The following PPP2R3C variants were observed in gnomAD, a reference collection of about 807,000 sequenced individuals.
PPP2R3C encodes the protein protein phosphatase 2 regulatory subunit B''gamma.
PPP2R3C carries 47 observed loss-of-function variants against 63.7 expected under a neutral mutation model. The ratio of observed to expected loss-of-function variants is 0.74; its 90% CI spans 0.58 to 0.94. The LOEUF (loss-of-function observed/expected upper bound fraction) is 0.94, where lower values mean the gene tolerates loss of function less well. Ranked by LOEUF, PPP2R3C falls within the 40% of genes least tolerant of loss-of-function variation. The probability of loss-of-function intolerance (pLI) is 0.00; values close to 1 mark genes in which losing one functional copy is unlikely to be tolerated. For synonymous variants in PPP2R3C, 180 were observed against 177.4 expected (o/e 1.01, Z -0.12); for missense variants, 421 against 518.4 (o/e 0.81, Z 1.82).
At chr14:35,112,810 T>C (rs1191723771) in intron 2 of PPP2R3C, 2 of 152,338 alleles carry the variant, frequency 1.3e-5, no homozygotes, top group Admixed American at 1.3e-4. Flanking sequence ...GATAAAACCT[T>C]GGTCGCTACA....
intron 6 of PPP2R3C, among the ~76,000 whole-genome samples, chr14:35,106,109 T>G (rs2046348708): frequency 6.6e-6 from 1 of 151,606 alleles, no homozygotes; most frequent in South Asian, 2.1e-4. Flanking sequence ...CCTCCCAAAG[T>G]GCTGGGATTA....
chr14:35,120,436 G>A (rs752805679), intron 1 of PPP2R3C, among the ~76,000 whole-genome samples: 9 of 150,302 alleles, frequency 6.0e-5, no homozygotes, highest in Non-Finnish European at 1.3e-4. Context: ...TAGTAGAGAC[G>A]GGGTTTCACC....
chr14:35,091,752 G>T (rs2045825650), intron 10 of PPP2R3C, among the ~76,000 whole-genome samples: 1 of 151,226 alleles, frequency 6.6e-6, no homozygotes, highest in Admixed American at 6.6e-5. Flanking sequence ...ACGGAGTCTT[G>T]CTCTATTGCC....
At chr14:35,122,244 G>A, upstream of PPP2R3C, 1 of 443,196 alleles carries the variant, frequency 2.3e-6, no homozygotes, top group Admixed American at 3.4e-5. Flanking sequence ...TAAAGGCCAC[G>A]ATAAGCCCGC....
chr14:35,090,026 G>GT (rs895271266), intron 11 of PPP2R3C, among the ~76,000 whole-genome samples: 27 of 151,944 alleles, frequency 1.8e-4, no homozygotes, highest in African/African-American at 6.5e-4. Context: ...CAAGTTTTTA[G>GT]TTTTCTTTCC....
Position 35,087,967 on chromosome 14 carries a change from G to A in PPP2R3C, c.1157C>T (p.Ser386Leu), listed in dbSNP as rs1221696411. The stretch of plus-strand genomic sequence containing the variant: ...AAAGATAACCTTGACATCTTGAAAT[G>A]AAACAGGATCTTGTCCATGGATTTT... ...LMKIHGQDPVSFQDVKDEIFD... is the reference protein window; with the variant it reads ...LMKIHGQDPVLFQDVKDEIFD... The change falls in exon 12 of 13, where the codon TCA becomes TTA. Residue 386 changes from serine to leucine, a missense_variant. Ser to Leu is a moderately radical substitution (Grantham distance 145). Transcript: ENST00000261475. 6.3e-7 allele frequency: 1 copy of A among 1,596,968 alleles called. No individual in the cohort carries two copies. Among genetic ancestry groups the A allele is most frequent in the Non-Finnish European group, 8.6e-7 (1 of 1,164,596 alleles).
chr14:35,108,563 T>C (rs2138686417), intron 4 of PPP2R3C, among the ~76,000 whole-genome samples: 1 of 152,064 alleles, frequency 6.6e-6, no homozygotes, highest in South Asian at 2.1e-4. Flanking sequence ...GTATTTGTAT[T>C]GGGTATTTAT....
chr14:35,107,319 C>A lies in PPP2R3C; in HGVS notation c.558G>T (p.Gly186=), dbSNP rs1287399679. 3 of 1,605,416 alleles carry A rather than the reference C, an allele frequency of 1.9e-6. No individual in the cohort carries two copies. Among genetic ancestry groups the A allele is most frequent in the Admixed American group, 1.7e-5 (1 of 59,998 alleles). The part of the protein sequence containing the change: ...GLSLYDVAGQ[G]YLRESDLENY... Reference sequence around the variant, plus strand: ...TAACACTTACAGATTCCCGAAGGTACCCCTGCCCAGCGACATCATATAAAC... The same window carrying A: ...TAACACTTACAGATTCCCGAAGGTAACCCTGCCCAGCGACATCATATAAAC... The change falls in exon 6 of 13, where the codon GGG becomes GGT. Residue 186 remains glycine, a synonymous_variant. Transcript: ENST00000261475.
At chr14:35,108,297 T>C in intron 4 of PPP2R3C, 61 bp from the exon 5 acceptor site, 13 of 1,501,172 alleles carry the variant, frequency 8.7e-6, no homozygotes, top group Admixed American at 2.7e-5. Flanking sequence ...GACTTCTACA[T>C]AAATTAGCAA....
At chr14:35,109,396 G>T (rs1453814005) in intron 4 of PPP2R3C, among the ~76,000 whole-genome samples, 1 of 151,888 alleles carries the variant, frequency 6.6e-6, no homozygotes, top group Non-Finnish European at 1.5e-5. Context: ...GTGATTTTTT[G>T]ACTGTAAATA....
At position 35,087,935 on chromosome 14, in the gene PPP2R3C, TAAAGGA is replaced by T. The variant is rs771493355; in HGVS notation, c.1173+10_1173+15del. ...CATAATTATCTGGTAATACGTAAATTAAAGGAAAAGATAACCTTGACATCTTGAAAT... is the reference window on the plus strand; with the variant it reads ...CATAATTATCTGGTAATACGTAAATTAAAGATAACCTTGACATCTTGAAAT... On this transcript the variant is annotated intron_variant, in intron 12 of 12. Coordinates refer to ENST00000261475, the MANE Select transcript of PPP2R3C (RefSeq NM_017917.4). 24 of 1,571,878 alleles carry T rather than the reference TAAAGGA, an allele frequency of 1.5e-5. No homozygotes were observed. In the African/African-American group the frequency reaches 2.3e-4, roughly 15 times the overall value.
intron 11 of PPP2R3C, among the ~76,000 whole-genome samples, chr14:35,089,178 C>T (rs1350813220): frequency 1.3e-5 from 2 of 152,128 alleles, no homozygotes; most frequent in Non-Finnish European, 2.9e-5. Context: ...TCATGGATCA[C>T]TGCAGCCTTG....
Position 35,095,301 on chromosome 14 carries a change from T to C in PPP2R3C, c.839-117A>G, listed in dbSNP as rs978382722. ...TTTGATTTTCAAACTATTCATGTTATGATTAGGGTAGTGGCCTATGTGTAA... is the reference window on the plus strand; with the variant it reads ...TTTGATTTTCAAACTATTCATGTTACGATTAGGGTAGTGGCCTATGTGTAA... On this transcript the variant is annotated intron_variant, in intron 9 of 12. Coordinates refer to ENST00000261475, the MANE Select transcript of PPP2R3C (RefSeq NM_017917.4). 49 of 1,028,814 alleles carry C rather than the reference T, an allele frequency of 4.8e-5. No individual in the cohort carries two copies. The East Asian group carries it at 9.9e-4, about 21-fold the overall frequency. 63.7% of individuals were successfully genotyped at this position (1,028,814 alleles called of 1,614,324 possible). A position where few individuals can be genotyped will look rare whatever the true frequency, so the allele number is the denominator to read the frequency against.
chr14:35,116,549 C>T (rs1481530400), intron 2 of PPP2R3C, 61 bp downstream of exon 2: 1 of 1,394,676 alleles, frequency 7.2e-7, no homozygotes, highest in Non-Finnish European at 9.5e-7. Flanking sequence ...GCCACCCTGC[C>T]TTGCCAAAAA....
rs867747450 is a variant in PPP2R3C at position 35,085,653 on chromosome 14, G to C, written c.1299C>G (p.Tyr433Ter). The C allele has an allele frequency of 5.0e-6, 8 of 1,613,542 alleles. No homozygotes were observed. Among genetic ancestry groups the C allele is most frequent in the East Asian group, 2.2e-5 (1 of 44,860 alleles). ...ILIDLNGFWTYENREALVAND... is the reference protein window; with the variant it reads ...ILIDLNGFWT ...TTGCAACAAGAGCCTCTCTGTTCTC[G>C]TAAGTCCAGAAGCCATTCAAATCGA... The change falls in exon 13 of 13, where the codon TAC becomes TAG. Residue 433 changes from tyrosine to a stop codon, truncating the protein, a stop_gained. Transcript: ENST00000261475. LOFTEE classifies it high-confidence loss of function.
chr14:35,121,878 C>T lies in PPP2R3C; in HGVS notation c.58+24G>A, dbSNP rs749921976. On this transcript the variant is annotated intron_variant, in intron 1 of 12. Transcript: ENST00000261475. ...GGAGTTTAGGGCCGGGCCATCCCAACGGGCTGCCCCTCCCAAAACTCACTG... is the reference window on the plus strand; with the variant it reads ...GGAGTTTAGGGCCGGGCCATCCCAATGGGCTGCCCCTCCCAAAACTCACTG... The T allele has an allele frequency of 9.3e-6, 15 of 1,613,544 alleles. No homozygotes were observed. The South Asian group carries it at 9.9e-5, about 11-fold the overall frequency.
chr14:35,117,127 C>T (rs754982095), intron 1 of PPP2R3C: 1 of 455,754 alleles, frequency 2.2e-6, no homozygotes, highest in African/African-American at 2.0e-5. Context: ...CAAGACAGCC[C>T]CAGCCCCTGA....
chr14:35,088,254 AAAAT>A (rs2045674435), intron 11 of PPP2R3C, among the ~76,000 whole-genome samples: 2 of 152,168 alleles, frequency 1.3e-5, no homozygotes, highest in South Asian at 2.1e-4. Flanking sequence ...TTCAGGAAAA[AAAAT>A]AAAAAGATTA....
At chr14:35,099,187 A>T in intron 7 of PPP2R3C, 65 bp downstream of exon 7, 1 of 1,391,636 alleles carries the variant, frequency 7.2e-7, no homozygotes, top group Non-Finnish European at 9.4e-7. Context: ...AGTTTTCTCT[A>T]GTTATTGAGA....
Sources: gnomAD v4.1 joint callset for allele counts (sites outside exome capture counted in the v4.1 genomes callset) on GRCh38, gnomAD v4.1.1 for gene constraint, MANE v1.5 for transcripts, NCBI Gene and HGNC (gene_info 2026-07-23, HGNC 2026-07-21) for gene names.